The following TRPM3 variants were observed in gnomAD, a reference collection of about 807,000 sequenced individuals.
TRPM3 encodes the protein transient receptor potential cation channel subfamily M member 3, also known as long transient receptor potential channel 3.
A neutral mutation model predicts 181.2 loss-of-function variants in TRPM3; 77 were observed. The observed-to-expected ratio is 0.42, with a 90% confidence interval of 0.35 to 0.51. The LOEUF (loss-of-function observed/expected upper bound fraction) is 0.51. Ranked by LOEUF, TRPM3 falls within the 20% of genes least tolerant of loss-of-function variation. The pLI, the probability that TRPM3 is intolerant of heterozygous loss-of-function variation, is 0.01. For missense variants in TRPM3, 1,759 were observed against 2,196.7 expected (o/e 0.80, Z 3.98); for synonymous variants, 745 against 796.4 (o/e 0.94, Z 1.09).
At chr9:70,868,563 T>A (rs919778352) in intron 1 of TRPM3, among the ~76,000 whole-genome samples, 6 of 151,992 alleles carry the variant, frequency 3.9e-5, no homozygotes, top group African/African-American at 1.4e-4. Flanking sequence ...CCACCAGCTA[T>A]CGAATCAAGT....
Position 71,411,018 on chromosome 9 carries a change from T to C in TRPM3, c.183+35635A>G, listed in dbSNP as rs900941057. Among the ~76,000 whole-genome samples the C allele has an allele frequency of 6.6e-5, 10 of 152,298 alleles. No individual in the cohort carries two copies. In the East Asian group the frequency reaches 1.9e-3, roughly 29 times the overall value. Reference sequence around the variant, plus strand: ...GACAAAAACCACATGATTATCTCAATAGATGTAGAAAAGGCCTTTGACAAA... The same window carrying C: ...GACAAAAACCACATGATTATCTCAACAGATGTAGAAAAGGCCTTTGACAAA... On this transcript the variant is annotated intron_variant, in intron 1 of 24. Coordinates refer to the TRPM3 transcript ENST00000357533.
intron 8 of TRPM3, among the ~76,000 whole-genome samples, chr9:70,695,906 C>T (rs7855876): frequency 0.36 from 55,060 of 151,976 alleles, 10,234 homozygotes; most frequent in East Asian, 0.46. Context: ...GCTTGAAGGC[C>T]CATTCTCCTA....
chr9:70,588,498 G>A (rs890873665), intron 22 of TRPM3, among the ~76,000 whole-genome samples: 52 of 152,076 alleles, frequency 3.4e-4, no homozygotes, highest in African/African-American at 1.1e-3. Context: ...TGGAGCACAC[G>A]CATTCCGTTA....
intron 1 of TRPM3, among the ~76,000 whole-genome samples, chr9:70,954,736 G>T (rs1189475852): frequency 6.6e-6 from 1 of 152,086 alleles, no homozygotes; most frequent in Non-Finnish European, 1.5e-5. Flanking sequence ...AAATGGTTTC[G>T]AAGAGCAACA....
chr9:71,262,660 T>C (rs2083143085), intron 1 of TRPM3, among the ~76,000 whole-genome samples: 1 of 152,206 alleles, frequency 6.6e-6, no homozygotes, highest in African/African-American at 2.4e-5. Context: ...GTGCCTGTGG[T>C]GTAGGCACCC....
At chr9:70,586,207 C>G (rs967870322) in intron 22 of TRPM3, among the ~76,000 whole-genome samples, 3 of 152,208 alleles carry the variant, frequency 2.0e-5, no homozygotes, top group African/African-American at 7.2e-5. Context: ...GGACTGTAAG[C>G]TCCTTGAAGA....
intron 1 of TRPM3, among the ~76,000 whole-genome samples, chr9:70,897,457 C>T (rs1226715012): frequency 2.0e-5 from 3 of 151,580 alleles, no homozygotes. Context: ...ACTGTGAAAA[C>T]TGAGATGTAT....
chr9:70,967,925 T>C (rs1803457672), intron 1 of TRPM3, among the ~76,000 whole-genome samples: 2 of 152,124 alleles, frequency 1.3e-5, no homozygotes, highest in Admixed American at 6.6e-5. Flanking sequence ...CTGGAATTAT[T>C]ATCTCCATTT....
chr9:71,346,639 G>GAGT (rs2091311167), intron 1 of TRPM3, among the ~76,000 whole-genome samples: 1 of 152,192 alleles, frequency 6.6e-6, no homozygotes, highest in Non-Finnish European at 1.5e-5. Flanking sequence ...GGGAAGCAGG[G>GAGT]AGTAGCTCAC....
intron 1 of TRPM3, among the ~76,000 whole-genome samples, chr9:70,982,963 T>A (rs2134038685): frequency 6.6e-6 from 1 of 152,146 alleles, no homozygotes; most frequent in Non-Finnish European, 1.5e-5. Flanking sequence ...CCTCCCAAAG[T>A]GCTGGGACTA....
chr9:71,061,775 A>G (rs1026263653), intron 1 of TRPM3, among the ~76,000 whole-genome samples: 2 of 151,994 alleles, frequency 1.3e-5, no homozygotes, highest in Non-Finnish European at 2.9e-5. Context: ...GTATCCTTGA[A>G]CTTCACCCCT....
Position 70,529,709 on chromosome 9 carries a change from T to G in TRPM3, c.*6244A>C, listed in dbSNP as rs920261148. 7 of 152,218 alleles carry G rather than the reference T, an allele frequency of 4.6e-5. No homozygotes were observed. Among genetic ancestry groups the G allele is most frequent in the African/African-American group, 1.7e-4 (7 of 41,468 alleles). 9.4% of individuals were successfully genotyped at this position (152,218 alleles called of 1,614,324 possible). On this transcript the variant is annotated 3_prime_UTR_variant, in exon 26 of 26. Coordinates refer to ENST00000677713, the MANE Select transcript of TRPM3 (RefSeq NM_001366145.2). Reference sequence around the variant, plus strand: ...TTTTCCCCCCTCTCGGTTCTCAGTGTATTTTGTGTGTACACTCACCAAGTC... The same window carrying G: ...TTTTCCCCCCTCTCGGTTCTCAGTGGATTTTGTGTGTACACTCACCAAGTC...
chr9:71,155,601 T>C (rs189698283), intron 1 of TRPM3, among the ~76,000 whole-genome samples: 141 of 151,844 alleles, frequency 9.3e-4, no homozygotes, highest in African/African-American at 3.3e-3. Context: ...GTGATCCACC[T>C]GCCTCAGCCT....
chr9:70,588,198 A>G (rs533122229), intron 22 of TRPM3, among the ~76,000 whole-genome samples: 6 of 152,336 alleles, frequency 3.9e-5, no homozygotes, highest in Admixed American at 2.0e-4. Flanking sequence ...GTTTCATTCC[A>G]GTATCTTAGG....
At position 70,674,170 on chromosome 9, in the gene TRPM3, T is replaced by A. The variant is rs538315421; in HGVS notation, c.1345+7336A>T. Among the ~76,000 whole-genome samples the A allele has an allele frequency of 4.6e-5, 7 of 152,266 alleles. No individual in the cohort carries two copies. In the South Asian group the frequency reaches 1.5e-3, roughly 32 times the overall value. ...TACACATAATTAGAAATATTTTTTA[T>A]TATCAAAGTTAGGCCATAATACATT... On this transcript the variant is annotated intron_variant, in intron 9 of 25. Coordinates refer to ENST00000677713, the MANE Select transcript of TRPM3 (RefSeq NM_001366145.2).
At chr9:71,245,321 G>C (rs1417371674) in intron 1 of TRPM3, among the ~76,000 whole-genome samples, 1 of 151,800 alleles carries the variant, frequency 6.6e-6, no homozygotes, top group Non-Finnish European at 1.5e-5. Context: ...GCATGCACCT[G>C]TTATCCCAGC....
At chr9:70,864,532 A>AAT in intron 1 of TRPM3, 21 bp from the exon 2 acceptor site, 2 of 1,470,048 alleles carry the variant, frequency 1.4e-6, no homozygotes, top group Non-Finnish European at 1.8e-6. Context: ...AAACAAAAAA[A>AAT]AAAAAAAAAG....
chr9:70,637,625 A>G (rs1175948317), intron 11 of TRPM3, among the ~76,000 whole-genome samples: 2 of 152,124 alleles, frequency 1.3e-5, no homozygotes, highest in Non-Finnish European at 2.9e-5. Context: ...AGAGACTAGG[A>G]GACATTCTGC....
rs11142748 is a variant in TRPM3, at chr9:71,238,158, G to A, written c.183+208495C>T. ...AGTAGTTTTTTTTCTATGAAAAAACGCAGCATTATTAAATTATTAGGACAT... is the reference window on the plus strand; with the variant it reads ...AGTAGTTTTTTTTCTATGAAAAAACACAGCATTATTAAATTATTAGGACAT... On this transcript the variant is annotated intron_variant, in intron 1 of 24. Coordinates refer to the TRPM3 transcript ENST00000357533. 7.8e-4 allele frequency among the ~76,000 whole-genome samples: 118 copies of A among 151,920 alleles called. 2 individuals are homozygous for A. Among genetic ancestry groups the A allele is most frequent in the African/African-American group, 2.7e-3 (112 of 41,406 alleles).
Sources: gnomAD v4.1 joint callset for allele counts (sites outside exome capture counted in the v4.1 genomes callset) on GRCh38, gnomAD v4.1.1 for gene constraint, MANE v1.5 for transcripts, NCBI Gene and HGNC (gene_info 2026-07-23, HGNC 2026-07-21) for gene names.